Variants in TLE1 observed in about 807,000 individuals in gnomAD.
The protein encoded by TLE1 is TLE family member 1, transcriptional corepressor, also known as transducin-like enhancer protein 1.
Under a neutral mutation model 89.8 loss-of-function variants are expected in TLE1, and 21 were observed. That is an observed-to-expected ratio of 0.23 (90% CI 0.17 to 0.34). TLE1 has a LOEUF of 0.34. TLE1 is among the 10% of genes least tolerant of loss of function. The probability of loss-of-function intolerance (pLI) is 1.00; values close to 1 mark genes in which losing one functional copy is unlikely to be tolerated. For missense variants in TLE1, 795 were observed against 1,031.2 expected (o/e 0.77, Z 3.14); for synonymous variants, 447 against 407.6 (o/e 1.10, Z -1.16).
chr9:81,677,409 C>T (rs1450877090), intron 4 of TLE1, among the ~76,000 whole-genome samples: 4 of 150,866 alleles, frequency 2.7e-5, no homozygotes, highest in South Asian at 2.1e-4. Context: ...ACTAAAAATA[C>T]GAAAAATTAG....
rs748719066 is a variant in TLE1, at chr9:81,585,699, A to T, written c.1978-44T>A. The T allele has an allele frequency of 3.1e-6, 5 of 1,599,746 alleles. No individual in the cohort carries two copies. In the Admixed American group the frequency reaches 8.4e-5, roughly 27 times the overall value. ...GCTCACTCATTATTCCGCCTGATAC[A>T]CTTAGGAAGGGAAGACGCAATGTGA... On this transcript the variant is annotated intron_variant, in intron 17 of 19. Transcript: ENST00000376499.
chr9:81,669,313 C>G (rs1051850906), intron 4 of TLE1, among the ~76,000 whole-genome samples: 2 of 152,214 alleles, frequency 1.3e-5, no homozygotes, highest in Non-Finnish European at 2.9e-5. Context: ...GTCTAATAGA[C>G]ATGTGGATAA....
chr9:81,623,590 C>T (rs1225156606), intron 8 of TLE1, among the ~76,000 whole-genome samples: 2 of 142,172 alleles, frequency 1.4e-5, no homozygotes, highest in African/African-American at 5.3e-5. Context: ...ACCAGCCTGG[C>T]CAACATGGTG....
chr9:81,585,747 G>C (rs367720144), intron 17 of TLE1, 92 bp from the exon 18 acceptor site: 43 of 1,484,270 alleles, frequency 2.9e-5, no homozygotes, highest in Admixed American at 3.9e-5. Context: ...TAGCAAGAAT[G>C]GGGGGAAGTA....
intron 4 of TLE1, among the ~76,000 whole-genome samples, chr9:81,655,852 C>CAAAAAAAAAA (rs5898754): frequency 7.9e-6 from 1 of 127,024 alleles, no homozygotes; most frequent in Non-Finnish European, 1.6e-5. Flanking sequence ...GACCCTGTCT[C>CAAAAAAAAAA]AAAAAAAAAA....
In TLE1 at chr9:81,613,472, C is replaced by A. The variant is rs773585815; in HGVS notation, c.968G>T (p.Arg323Leu). ...PVLKSSTPTPRSDMPTPGTSA... is the reference protein window; with the variant it reads ...PVLKSSTPTPLSDMPTPGTSA... ...GGTGCCCGGCGTTGGCATGTCGCTC[C>A]GAGGCGTTGGTGTGCTGGATTTCAG... is the stretch of plus-strand genomic sequence containing the variant. Residue 323 changes from arginine to leucine, a missense_variant, in exon 12 of 20, where the codon CGG becomes CTG. Around this residue, in one of 4 missense-constraint regions of TLE1, gnomAD observed 468 missense variants for 509.1 expected, o/e 0.92. Coordinates refer to ENST00000376499, the MANE Select transcript of TLE1 (RefSeq NM_005077.5). 1.9e-6 allele frequency: 3 copies of A among 1,614,074 alleles called. No individual in the cohort carries two copies. Among genetic ancestry groups the A allele is most frequent in the Non-Finnish European group, 2.5e-6 (3 of 1,180,050 alleles).
chr9:81,667,858 C>A (rs1317015597), intron 4 of TLE1, among the ~76,000 whole-genome samples: 1 of 152,138 alleles, frequency 6.6e-6, no homozygotes. Context: ...AACTCACTCT[C>A]AAAGTAGCCA....
At chr9:81,662,062 T>C (rs184317255) in intron 4 of TLE1, among the ~76,000 whole-genome samples, 2 of 152,270 alleles carry the variant, frequency 1.3e-5, no homozygotes, top group African/African-American at 2.4e-5. Context: ...ATGAAAAGCA[T>C]TCCATGCATG....
At position 81,688,613 on chromosome 9, in the gene TLE1, G is replaced by T. The variant is rs1017166550; in HGVS notation, c.-373C>A. The stretch of plus-strand genomic sequence containing the variant: ...TGACTCCGACCGCACTCCCCTCGGC[G>T]ATCCGCGTGCGCGGCGCCAGTCCTG... On this transcript the variant is annotated 5_prime_UTR_variant, in exon 1 of 20. Transcript: ENST00000376499. The T allele has an allele frequency of 1.3e-4, 31 of 237,434 alleles. No homozygotes were observed. Among genetic ancestry groups the T allele is most frequent in the African/African-American group, 6.1e-4 (27 of 44,500 alleles). The allele number at this position is 237,434 out of a possible 1,614,324, so 14.7% of individuals were successfully genotyped here.
chr9:81,681,142 G>A (rs1244520508), intron 4 of TLE1, among the ~76,000 whole-genome samples: 1 of 152,146 alleles, frequency 6.6e-6, no homozygotes, highest in African/African-American at 2.4e-5. Context: ...CATGGCCTGA[G>A]ATGTTGCTTG....
chr9:81,637,785 C>T (rs1827588877), intron 6 of TLE1, among the ~76,000 whole-genome samples: 1 of 151,788 alleles, frequency 6.6e-6, no homozygotes, highest in African/African-American at 2.4e-5. Flanking sequence ...CTTGTTTCTG[C>T]AGGGCAGTGC....
intron 4 of TLE1, among the ~76,000 whole-genome samples, chr9:81,655,688 G>A (rs1403121356): frequency 6.6e-6 from 1 of 151,982 alleles, no homozygotes; most frequent in African/African-American, 2.4e-5. Flanking sequence ...ATTAAGCAAT[G>A]AAAAGGATCA....
At chr9:81,600,911 G>A (rs988141605) in intron 14 of TLE1, among the ~76,000 whole-genome samples, 2 of 152,156 alleles carry the variant, frequency 1.3e-5, no homozygotes, top group Non-Finnish European at 2.9e-5. Context: ...TGCTGCTCTC[G>A]ATTATCAGTG....
rs371055340 is a variant in TLE1, at chr9:81,687,318, G to C, written c.125+16C>G. On this transcript the variant is annotated intron_variant, in intron 2 of 19. Transcript: ENST00000376499. ...GGACGCCCGCGACCACTCGCATGGCGCGGCCGGACACGCACCTGTGATACT... is the reference window on the plus strand; with the variant it reads ...GGACGCCCGCGACCACTCGCATGGCCCGGCCGGACACGCACCTGTGATACT... The C allele has an allele frequency of 1.3e-6, 2 of 1,591,596 alleles. No homozygotes were observed. Among genetic ancestry groups the C allele is most frequent in the South Asian group, 2.3e-5 (2 of 87,784 alleles).
intron 6 of TLE1, among the ~76,000 whole-genome samples, chr9:81,646,273 A>G (rs1336963159): frequency 6.6e-6 from 1 of 152,228 alleles, no homozygotes; most frequent in Non-Finnish European, 1.5e-5. Context: ...TGCTCTCAGT[A>G]AAAACAAACA....
At chr9:81,607,867 A>G (rs1469827475) in intron 14 of TLE1, among the ~76,000 whole-genome samples, 1 of 152,244 alleles carries the variant, frequency 6.6e-6, no homozygotes, top group Non-Finnish European at 1.5e-5. Flanking sequence ...TTGGGCACAG[A>G]GGTCATCATA....
chr9:81,659,754 A>C (rs1404060603), intron 4 of TLE1, among the ~76,000 whole-genome samples: 2 of 152,160 alleles, frequency 1.3e-5, no homozygotes, highest in African/African-American at 4.8e-5. Context: ...GTTCTATGTT[A>C]AATCACTTAA....
chr9:81,688,177 A>C lies in TLE1; in HGVS notation c.24+40T>G, dbSNP rs761737424. On this transcript the variant is annotated intron_variant, in intron 1 of 19. Transcript: ENST00000376499. Reference sequence around the variant, plus strand: ...TACCGCCCGGGAGAAGCGCCTCCCCAACGATCCTGGCCCCCCACCACCACC... The same window carrying C: ...TACCGCCCGGGAGAAGCGCCTCCCCCACGATCCTGGCCCCCCACCACCACC... 6 of 1,601,408 alleles carry C rather than the reference A, an allele frequency of 3.7e-6. No homozygotes were observed. In the Admixed American group the frequency reaches 8.4e-5, roughly 22 times the overall value.
At chr9:81,671,154 T>A (rs191657356) in intron 4 of TLE1, among the ~76,000 whole-genome samples, 157 of 151,808 alleles carry the variant, frequency 1.0e-3, no homozygotes, top group African/African-American at 3.5e-3. Flanking sequence ...GGCAACAGAG[T>A]GAGACTCTGT....
Sources: gnomAD v4.1 joint callset for allele counts (sites outside exome capture counted in the v4.1 genomes callset) on GRCh38, gnomAD v4.1.1 for gene constraint, gnomAD v4.1.1 regional missense constraint, MANE v1.5 for transcripts, NCBI Gene and HGNC (gene_info 2026-07-23, HGNC 2026-07-21) for gene names.